Variants in AFAP1 observed in about 807,000 individuals in gnomAD.
The protein encoded by AFAP1 is actin filament associated protein 1.
AFAP1 carries 75 observed loss-of-function variants against 93.9 expected under a neutral mutation model. The ratio of observed to expected loss-of-function variants is 0.80; its 90% CI spans 0.66 to 0.97. The LOEUF is 0.97. AFAP1 is among the 50% of genes least tolerant of loss of function. AFAP1 has a pLI of 0.00. For synonymous variants in AFAP1, 517 were observed against 430.7 expected (o/e 1.20, Z -2.48); for missense variants, 1,201 against 1,050.8 (o/e 1.14, Z -1.98).
intron 13 of AFAP1, among the ~76,000 whole-genome samples, chr4:7,780,089 A>T (rs536004978): frequency 6.6e-6 from 1 of 152,346 alleles, no homozygotes; most frequent in African/African-American, 2.4e-5. Flanking sequence ...TGCCAATAAA[A>T]AGACATGTAG....
At position 7,793,781 on chromosome 4, in the gene AFAP1, C is replaced by A. The variant is rs759438734; in HGVS notation, c.1312G>T (p.Ala438Ser). ...GGGTCTGTGGACGATCCCGTCTCTGCGAGTAAAATCCCAATCCACCTGCCC... is the reference window on the plus strand; with the variant it reads ...GGGTCTGTGGACGATCCCGTCTCTGAGAGTAAAATCCCAATCCACCTGCCC... ...DMGRWIGILL[A>S]ETGSSTDPEA... Residue 438 changes from alanine to serine, a missense_variant, in exon 11 of 18, where the codon GCA (alanine) becomes TCA (serine). Physicochemically the swap from Ala to Ser is moderately conservative, Grantham distance 99. Transcript: ENST00000420658. 3.7e-5 allele frequency: 58 copies of A among 1,564,366 alleles called. No homozygotes were observed. In the Middle Eastern group the frequency reaches 5.1e-4, roughly 14 times the overall value.
chr4:7,796,648 G>C (rs953931403), intron 10 of AFAP1, among the ~76,000 whole-genome samples: 1 of 151,922 alleles, frequency 6.6e-6, no homozygotes, highest in African/African-American at 2.4e-5. Context: ...CTACTCAGGA[G>C]GCTGAAGCAG....
At chr4:7,828,391 G>C (rs1044302525) in intron 6 of AFAP1, among the ~76,000 whole-genome samples, 2 of 152,168 alleles carry the variant, frequency 1.3e-5, no homozygotes, top group East Asian at 1.9e-4. Flanking sequence ...TTTGAAATTC[G>C]AGACAGCAGC....
chr4:7,924,828 T>C (rs551787875), intron 1 of AFAP1, among the ~76,000 whole-genome samples: 2 of 152,214 alleles, frequency 1.3e-5, no homozygotes, highest in Admixed American at 6.5e-5. Context: ...GAAAGCTAAA[T>C]GACAACTCTG....
In AFAP1 at chr4:7,763,525, TTTTTTTG is replaced by T. The variant is rs1714105344; in HGVS notation, c.*233_*239del. The T allele has an allele frequency of 5.5e-6, 3 of 544,130 alleles. No individual in the cohort carries two copies. The highest frequency in any genetic ancestry group is 6.5e-5 in the Admixed American group (2 of 30,590). 33.7% of individuals were successfully genotyped at this position (544,130 alleles called of 1,614,324 possible). A position where few individuals can be genotyped will look rare whatever the true frequency, so the allele number is the denominator to read the frequency against. On this transcript the variant is annotated 3_prime_UTR_variant, in exon 18 of 18. Transcript: ENST00000420658. Reference sequence around the variant, plus strand: ...ATCCTTTCAAACACCTTTCCATCACTTTTTTTGTTTTTTAACAAAGTTGGGAACCAAA... The same window carrying T: ...ATCCTTTCAAACACCTTTCCATCACTTTTTTTAACAAAGTTGGGAACCAAA...
At chr4:7,773,326 C>T (rs1005282977) in intron 15 of AFAP1, 2 of 305,120 alleles carry the variant, frequency 6.6e-6, no homozygotes, top group Non-Finnish European at 6.1e-6. Flanking sequence ...CTCCACAGTT[C>T]CCAAAGCTGC....
intron 1 of AFAP1, 168 bp from the exon 2 acceptor site, chr4:7,872,248 GTCT>G (rs1464803194): frequency 3.3e-5 from 25 of 756,602 alleles, no homozygotes; most frequent in Admixed American, 2.6e-4. Flanking sequence ...AGATTCAGGC[GTCT>G]TCTTCTTAAC....
At chr4:7,854,261 C>T (rs1052751333) in intron 4 of AFAP1, among the ~76,000 whole-genome samples, 3 of 152,128 alleles carry the variant, frequency 2.0e-5, no homozygotes, top group Non-Finnish European at 4.4e-5. Context: ...AATCCATGAC[C>T]ACCTTATCAG....
At chr4:7,770,212 T>C (rs993099593) in intron 16 of AFAP1, among the ~76,000 whole-genome samples, 1 of 152,010 alleles carries the variant, frequency 6.6e-6, no homozygotes, top group Non-Finnish European at 1.5e-5. Flanking sequence ...CAAAGGATAC[T>C]TGGGACAAAG....
chr4:7,818,945 G>T (rs1720716181), intron 7 of AFAP1, 131 bp downstream of exon 7: 5 of 790,492 alleles, frequency 6.3e-6, no homozygotes, highest in Non-Finnish European at 9.6e-6. Flanking sequence ...TAAAAAGATG[G>T]GAAGCACGAC....
intron 6 of AFAP1, among the ~76,000 whole-genome samples, chr4:7,820,539 G>A (rs1318384755): frequency 6.6e-6 from 1 of 152,126 alleles, no homozygotes; most frequent in Non-Finnish European, 1.5e-5. Flanking sequence ...CGGGAAAGCA[G>A]GCAGAAAACC....
chr4:7,825,111 C>A (rs977383864), intron 6 of AFAP1, among the ~76,000 whole-genome samples: 1 of 152,132 alleles, frequency 6.6e-6, no homozygotes, highest in Non-Finnish European at 1.5e-5. Flanking sequence ...TATTATAGTT[C>A]TAAGAATGCA....
At position 7,759,447 on chromosome 4, in the gene AFAP1, G is replaced by A. The variant is rs934627686; in HGVS notation, c.*4318C>T. On this transcript the variant is annotated 3_prime_UTR_variant, in exon 18 of 18. Coordinates refer to ENST00000420658, the MANE Select transcript of AFAP1 (RefSeq NM_001134647.2). ...ATGGCTTGGGGACTCACGAATAGAG[G>A]TGACTGCTTTTTCTGCAGTGCTGTG... 1 of 152,646 alleles carries A rather than the reference G, an allele frequency of 6.6e-6. No homozygotes were observed. Among genetic ancestry groups the A allele is most frequent in the Non-Finnish European group, 1.5e-5 (1 of 68,042 alleles). 9.5% of individuals were successfully genotyped at this position (152,646 alleles called of 1,614,324 possible).
At chr4:7,822,457 C>G (rs148963313) in intron 6 of AFAP1, among the ~76,000 whole-genome samples, 122 of 152,244 alleles carry the variant, frequency 8.0e-4, no homozygotes, top group African/African-American at 2.7e-3. Flanking sequence ...ATTATACAAA[C>G]GCACCTGACA....
Position 7,939,610 on chromosome 4 carries a change from AC to A in AFAP1, c.-3+45del. The A allele has an allele frequency of 2.5e-6, 1 of 406,570 alleles. No homozygotes were observed. Among genetic ancestry groups the A allele is most frequent in the Admixed American group, 2.8e-5 (1 of 36,190 alleles). 25.2% of individuals were successfully genotyped at this position (406,570 alleles called of 1,614,324 possible). A position where few individuals can be genotyped will look rare whatever the true frequency, so the allele number is the denominator to read the frequency against. On this transcript the variant is annotated intron_variant, in intron 1 of 17. Transcript: ENST00000420658. The surrounding 1 kb of genome is among the most constrained non-coding windows in gnomAD (Gnocchi z 5.6). ...CGGAGCTTCCACGCCCGGGGCAGAG[AC>A]CCCCGCCGGGTCCGGAGACCCTGCC...
At chr4:7,911,975 C>T (rs1486990235) in intron 1 of AFAP1, among the ~76,000 whole-genome samples, 1 of 152,118 alleles carries the variant, frequency 6.6e-6, no homozygotes, top group East Asian at 1.9e-4. Context: ...TATTAGGTGG[C>T]TCTTACAACA....
rs1190111847 is a variant in AFAP1, at chr4:7,939,510, C to A, written c.-3+146G>T. The A allele has an allele frequency of 9.0e-6, 3 of 334,920 alleles. No individual in the cohort carries two copies. Among genetic ancestry groups the A allele is most frequent in the Non-Finnish European group, 1.7e-5 (3 of 171,950 alleles). The allele number at this position is 334,920 out of a possible 1,614,324, so 20.7% of individuals were successfully genotyped here. On this transcript the variant is annotated intron_variant, in intron 1 of 17. Transcript: ENST00000420658. This position sits in a 1 kb window ranked among gnomAD's most constrained non-coding sequence, Gnocchi z 5.6. ...CGGGCCCACGCGGCGTCGCAGCAGGCGCGGAGCCCCCGGTACCACCCGAGG... is the reference window on the plus strand; with the variant it reads ...CGGGCCCACGCGGCGTCGCAGCAGGAGCGGAGCCCCCGGTACCACCCGAGG...
At chr4:7,857,685 G>T (rs1425023787) in intron 3 of AFAP1, among the ~76,000 whole-genome samples, 2 of 152,222 alleles carry the variant, frequency 1.3e-5, no homozygotes, top group Admixed American at 6.5e-5. Flanking sequence ...ACAGCTGCTT[G>T]ATTCACTGAG....
intron 6 of AFAP1, among the ~76,000 whole-genome samples, chr4:7,831,393 T>TAAAAAAA (rs34512873): frequency 7.3e-5 from 10 of 137,888 alleles, no homozygotes; most frequent in African/African-American, 2.5e-4. Context: ...CAGCAAATGC[T>TAAAAAAA]AAAAAAAAAA....
Sources: gnomAD v4.1 joint callset for allele counts (sites outside exome capture counted in the v4.1 genomes callset) on GRCh38, gnomAD v4.1.1 for gene constraint, Gnocchi (gnomAD v3.1) non-coding constraint, MANE v1.5 for transcripts, NCBI Gene and HGNC (gene_info 2026-07-23, HGNC 2026-07-21) for gene names.